Variants in MCPH1 observed in about 807,000 individuals in gnomAD.
The protein encoded by MCPH1 is microcephalin 1.
A neutral mutation model predicts 84.5 loss-of-function variants in MCPH1; 104 were observed. The ratio of observed to expected loss-of-function variants is 1.23; its 90% CI spans 1.05 to 1.45. The LOEUF (loss-of-function observed/expected upper bound fraction) is 1.45, where lower values mean the gene tolerates loss of function less well. Among genes scored for constraint, MCPH1 ranks in the 40% most tolerant of loss-of-function variants. The probability of loss-of-function intolerance (pLI) is 0.00; values close to 1 mark genes in which losing one functional copy is unlikely to be tolerated. For missense variants in MCPH1, 1,498 were observed against 1,005.7 expected, an observed-to-expected ratio of 1.49 and a Z score of -6.62; for synonymous variants, 514 against 366.8, an observed-to-expected ratio of 1.40 and a Z score of -4.58.
Position 6,444,766 on chromosome 8 carries a change from A to T in MCPH1, c.1044A>T (p.Arg348Ser), listed in dbSNP as rs773669014. Residue 348 changes from arginine to serine, a missense_variant, in exon 8 of 14, where the codon AGA becomes AGT. Physicochemically the swap from Arg to Ser is moderately radical, Grantham distance 110. Coordinates refer to ENST00000344683, the MANE Select transcript of MCPH1 (RefSeq NM_024596.5). ...AAGGCCACCTTTTGATACATTCAAG[A>T]CCCAGGAGTTCCTCAGTAAAGAGAA... The part of the protein sequence containing the change: ...STKGHLLIHS[R>S]PRSSSVKRKR... 2.5e-6 allele frequency: 4 copies of T among 1,613,942 alleles called. No homozygotes were observed. In the South Asian group the frequency reaches 4.4e-5, roughly 18 times the overall value.
At position 6,640,117 on chromosome 8, in the gene MCPH1, T is replaced by C. The variant is rs61395759; in HGVS notation, c.2453-2877T>C. Among the ~76,000 whole-genome samples the C allele has an allele frequency of 1.4e-3, 208 of 143,616 alleles. 1 individual carries two copies. Among genetic ancestry groups the C allele is most frequent in the African/African-American group, 5.2e-3 (182 of 35,040 alleles). The allele number at this position is 143,616 out of a possible 152,430, so 94.2% of individuals were successfully genotyped here. On this transcript the variant is annotated intron_variant, in intron 13 of 13. Coordinates refer to ENST00000344683, the MANE Select transcript of MCPH1 (RefSeq NM_024596.5). The stretch of plus-strand genomic sequence containing the variant: ...GTGTGTGCGCGCGCGTGTGTGTGTG[T>C]GTGCGTGTGTGTGTGTGTTTTCTAA...
chr8:6,579,152 C>G (rs1454330534), intron 12 of MCPH1, among the ~76,000 whole-genome samples: 2 of 152,334 alleles, frequency 1.3e-5, no homozygotes, highest in East Asian at 3.9e-4. Flanking sequence ...ACACCTGACA[C>G]CTCCATCTTG....
chr8:6,625,304 A>G, intron 13 of MCPH1: 1 of 985,462 alleles, frequency 1.0e-6, no homozygotes, highest in Non-Finnish European at 1.2e-6. Context: ...TGGCAGGCGT[A>G]GGCTTCTTAA....
chr8:6,544,401 G>C (rs985608108), intron 12 of MCPH1, among the ~76,000 whole-genome samples: 1 of 152,176 alleles, frequency 6.6e-6, no homozygotes, highest in African/African-American at 2.4e-5. Context: ...TTATGACTTT[G>C]GGCAAATCAC....
In MCPH1 at chr8:6,527,640, A is replaced by G. The variant is rs369229056; in HGVS notation, c.2214+27711A>G. 1.9e-5 allele frequency: 30 copies of G among 1,613,902 alleles called. 1 individual carries two copies. In the African/African-American group the frequency reaches 2.3e-4, roughly 12 times the overall value. On this transcript the variant is annotated intron_variant, in intron 12 of 13. Coordinates refer to ENST00000344683, the MANE Select transcript of MCPH1 (RefSeq NM_024596.5). ...TTGTTTGTCGAGAGGGAGTGTTCCA[A>G]GAGCTGAAGTTCAAGTCTCGTGGTC...
At chr8:6,608,716 C>G (rs1469068013) in intron 12 of MCPH1, among the ~76,000 whole-genome samples, 2 of 152,206 alleles carry the variant, frequency 1.3e-5, no homozygotes, top group Non-Finnish European at 2.9e-5. Context: ...GGAGTTGGGG[C>G]TGCAGCAACT....
In MCPH1 at chr8:6,445,416, G is replaced by A. The variant is rs775578835; in HGVS notation, c.1694G>A (p.Gly565Asp). The A allele has an allele frequency of 9.3e-6, 15 of 1,614,082 alleles. No individual in the cohort carries two copies. The highest frequency in any genetic ancestry group is 1.6e-4 in the Middle Eastern group (1 of 6,084). ...AVGLKSTQNK[G>D]TTSKISNSSE... The stretch of plus-strand genomic sequence containing the variant: ...GGTCTGAAAAGCACACAGAACAAAG[G>A]TACCACTTCCAAAATATCAAACTCC... Residue 565 changes from glycine (G) to aspartate (D), a missense_variant, in exon 8 of 14, where the codon GGT becomes GAT. Physicochemically the swap from Gly to Asp is moderately conservative, Grantham distance 94. Coordinates refer to ENST00000344683, the MANE Select transcript of MCPH1 (RefSeq NM_024596.5).
Position 6,420,435 on chromosome 8 carries a change from T to C in MCPH1, c.233+5552T>C, listed in dbSNP as rs76786476. ...TGGAATTTGATTATTTTTCTACTTA[T>C]AGGTCATCTGAATTTGCGCTGTTAT... On this transcript the variant is annotated intron_variant, in intron 3 of 13. Transcript: ENST00000344683. 3.9e-3 allele frequency among the ~76,000 whole-genome samples: 588 copies of C among 152,346 alleles called. 1 individual carries two copies. Among genetic ancestry groups the C allele is most frequent in the African/African-American group, 0.013 (545 of 41,576 alleles).
chr8:6,556,837 TC>T (rs777986563), intron 12 of MCPH1, among the ~76,000 whole-genome samples: 3 of 152,072 alleles, frequency 2.0e-5, no homozygotes, highest in Non-Finnish European at 4.4e-5. Context: ...TGTCTTCCCA[TC>T]TTGGCCTCTC....
At chr8:6,498,016 G>A (rs572002234) in intron 11 of MCPH1, among the ~76,000 whole-genome samples, 1 of 152,178 alleles carries the variant, frequency 6.6e-6, no homozygotes, top group South Asian at 2.1e-4. Flanking sequence ...TGCAATAAGG[G>A]GGAAAATAAA....
chr8:6,582,669 C>T (rs1050228470), intron 12 of MCPH1, among the ~76,000 whole-genome samples: 5 of 152,188 alleles, frequency 3.3e-5, no homozygotes, highest in African/African-American at 9.7e-5. Flanking sequence ...TATCCCATTA[C>T]CCTGCCTTCC....
At chr8:6,507,895 T>C (rs1814106856) in intron 12 of MCPH1, 1 of 152,132 alleles carries the variant, frequency 6.6e-6, no homozygotes, top group African/African-American at 2.4e-5. Flanking sequence ...AAAAATAACA[T>C]TTTCTAAAAC....
At chr8:6,631,160 C>T (rs939556695) in intron 13 of MCPH1, among the ~76,000 whole-genome samples, 2 of 152,210 alleles carry the variant, frequency 1.3e-5, no homozygotes, top group African/African-American at 2.4e-5. Context: ...TTCCCTTCCT[C>T]AAGCTGCAGG....
intron 12 of MCPH1, among the ~76,000 whole-genome samples, chr8:6,617,605 T>C (rs1830940463): frequency 6.6e-6 from 1 of 151,930 alleles, no homozygotes; most frequent in Non-Finnish European, 1.5e-5. Flanking sequence ...CTCCTGTTTC[T>C]GGGGTGTGTG....
chr8:6,537,252 G>T (rs895204955), intron 12 of MCPH1, among the ~76,000 whole-genome samples: 1 of 152,102 alleles, frequency 6.6e-6, no homozygotes, highest in Non-Finnish European at 1.5e-5. Flanking sequence ...GTAGGCACAC[G>T]TGTCTGAATA....
At chr8:6,415,974 A>T (rs77482902) in intron 3 of MCPH1, among the ~76,000 whole-genome samples, 3,857 of 152,276 alleles carry the variant, frequency 0.025, 79 homozygotes, top group African/African-American at 0.057. Context: ...AATTTCCTTC[A>T]GTGACACTTT....
intron 11 of MCPH1, among the ~76,000 whole-genome samples, chr8:6,486,767 C>T (rs1048520053): frequency 7.9e-5 from 12 of 152,098 alleles, no homozygotes; most frequent in African/African-American, 2.7e-4. Context: ...TTATGGGAGA[C>T]AGGAAGTAAC....
intron 12 of MCPH1, among the ~76,000 whole-genome samples, chr8:6,572,616 T>C (rs1826752696): frequency 6.6e-6 from 1 of 152,250 alleles, no homozygotes. Flanking sequence ...AAAATATTTT[T>C]AGGCATTCAT....
chr8:6,445,769 C>T (rs970136870), intron 8 of MCPH1: 1 of 1,335,342 alleles, frequency 7.5e-7, no homozygotes, highest in Non-Finnish European at 9.5e-7. Flanking sequence ...TGTTAGGAAT[C>T]TATTTCTCCA....
Sources: gnomAD v4.1 joint callset for allele counts (sites outside exome capture counted in the v4.1 genomes callset) on GRCh38, gnomAD v4.1.1 for gene constraint, MANE v1.5 for transcripts, NCBI Gene and HGNC (gene_info 2026-07-23, HGNC 2026-07-21) for gene names.